PWWP2A: variants seen among roughly 807,000 people sequenced by gnomAD.
The protein encoded by PWWP2A is PWWP domain-containing protein 2A.
In PWWP2A, 18 loss-of-function variants were observed where a neutral mutation model predicts 48.5. That is an observed-to-expected ratio of 0.37 (90% confidence interval 0.26 to 0.55). PWWP2A has a LOEUF of 0.55. PWWP2A is among the 20% of genes least tolerant of loss of function. The pLI, the probability that PWWP2A is intolerant of heterozygous loss-of-function variation, is 0.81. For missense variants in PWWP2A, 867 were observed against 976.4 expected (o/e 0.89, Z 1.49); for synonymous variants, 396 against 387.7 (o/e 1.02, Z -0.25).
At chr5:160,063,275 G>C (rs1275608870) in intron 5 of PWWP2A, among the ~76,000 whole-genome samples, 1 of 152,118 alleles carries the variant, frequency 6.6e-6, no homozygotes, top group Middle Eastern at 3.2e-3. Context: ...GAGTGCAATG[G>C]TATGATCATG....
At chr5:160,059,197 T>C (rs1172030480), downstream of PWWP2A, among the ~76,000 whole-genome samples, 1 of 149,956 alleles carries the variant, frequency 6.7e-6, no homozygotes, top group East Asian at 2.0e-4. Context: ...AGTGCTGTTT[T>C]CATCTACACT....
chr5:160,097,294 G>A (rs574007752), intron 1 of PWWP2A, among the ~76,000 whole-genome samples: 39 of 137,956 alleles, frequency 2.8e-4, no homozygotes, highest in African/African-American at 1.0e-3. Flanking sequence ...CCATGTTCGC[G>A]CTATCGCACT....
At chr5:160,087,462 T>G (rs1038356512), downstream of PWWP2A, among the ~76,000 whole-genome samples, 3 of 151,726 alleles carry the variant, frequency 2.0e-5, no homozygotes, top group African/African-American at 7.3e-5. Flanking sequence ...GACTACAGGT[T>G]GATCAGGAAG....
At chr5:160,065,070 G>A in intron 4 of PWWP2A, 1 of 1,608,136 alleles carries the variant, frequency 6.2e-7, no homozygotes, top group Non-Finnish European at 8.5e-7. Flanking sequence ...AGATAACAAA[G>A]ATAACAAAAG....
chr5:160,110,018 C>G (rs1757394017), intron 1 of PWWP2A, among the ~76,000 whole-genome samples: 1 of 150,262 alleles, frequency 6.7e-6, no homozygotes, highest in East Asian at 2.0e-4. Flanking sequence ...TTTTGACAGT[C>G]CTTTTTTTTT....
chr5:160,060,876 C>G (rs1267662701), downstream of PWWP2A, among the ~76,000 whole-genome samples: 1 of 152,226 alleles, frequency 6.6e-6, no homozygotes, highest in East Asian at 1.9e-4. Flanking sequence ...GGCTTCAGAG[C>G]CCATCTACCC....
chr5:160,116,004 T>G (rs1758098044), intron 1 of PWWP2A, among the ~76,000 whole-genome samples: 1 of 152,060 alleles, frequency 6.6e-6, no homozygotes, highest in African/African-American at 2.4e-5. Context: ...AACTAGTCAA[T>G]CATTAGTCCA....
chr5:160,104,346 G>T (rs181675374), intron 1 of PWWP2A, among the ~76,000 whole-genome samples: 2 of 151,260 alleles, frequency 1.3e-5, no homozygotes, highest in Non-Finnish European at 2.9e-5. Context: ...TGAAAGGATC[G>T]CTTGAGCCCA....
chr5:160,090,165 A>G (rs183965361), downstream of PWWP2A: 9 of 985,146 alleles, frequency 9.1e-6, no homozygotes, highest in Admixed American at 1.8e-4. Flanking sequence ...ATATTCAACA[A>G]TCATGTTTTT....
In PWWP2A at chr5:160,119,450, T is replaced by G. The variant is rs553405390; in HGVS notation, c.-62A>C. ...CAGCGGCGGCGGCGACAGCGCTGCT[T>G]GGTTCCCTGGGCCTTCCCCTCCCTC... On this transcript the variant is annotated 5_prime_UTR_variant, in exon 1 of 2. Coordinates refer to ENST00000307063, the MANE Select transcript of PWWP2A (RefSeq NM_001130864.2). 21 of 1,350,192 alleles carry G rather than the reference T, an allele frequency of 1.6e-5. No individual in the cohort carries two copies. The highest frequency in any genetic ancestry group is 4.6e-5 in the African/African-American group (3 of 64,976). 83.6% of individuals were successfully genotyped at this position (1,350,192 alleles called of 1,614,324 possible).
intron 1 of PWWP2A, among the ~76,000 whole-genome samples, chr5:160,109,795 AT>A (rs1439338079): frequency 3.3e-4 from 43 of 129,354 alleles, no homozygotes; most frequent in African/African-American, 1.1e-3. Context: ...ATATATATAT[AT>A]ATATATATAT....
intron 1 of PWWP2A, among the ~76,000 whole-genome samples, chr5:160,095,047 CAAAAAAAAAAAAAAAAA>C (rs70987998): frequency 9.7e-5 from 3 of 30,882 alleles, no homozygotes; most frequent in East Asian, 1.1e-3. Flanking sequence ...GACTCTGTCT[CAAAAAAAAAAAAAAAAA>C]AAAAAAAAAA....
chr5:160,103,908 G>A (rs1756568386), intron 1 of PWWP2A, among the ~76,000 whole-genome samples: 1 of 151,708 alleles, frequency 6.6e-6, no homozygotes, highest in Non-Finnish European at 1.5e-5. Context: ...GATCACTTGA[G>A]ACCAGGAGTT....
At chr5:160,089,904 T>C, downstream of PWWP2A, 1 of 985,268 alleles carries the variant, frequency 1.0e-6, no homozygotes, top group Non-Finnish European at 1.2e-6. Context: ...TCTATCTCCA[T>C]CTGCAGTAGA....
chr5:160,051,192 A>G, the PWWP2A span: 2 of 1,607,414 alleles, frequency 1.2e-6, no homozygotes, highest in Non-Finnish European at 1.7e-6. Flanking sequence ...AGGTAAGCTT[A>G]CTTCTTACTT....
intron 5 of PWWP2A, among the ~76,000 whole-genome samples, chr5:160,062,807 G>GT (rs3832347): frequency 4.6e-4 from 69 of 149,946 alleles, no homozygotes; most frequent in Middle Eastern, 3.4e-3. Flanking sequence ...GCTTTTGATG[G>GT]TTTTTTTTTT....
intron 1 of PWWP2A, chr5:160,105,564 A>AC (rs1478700880): frequency 2.3e-6 from 1 of 436,204 alleles, no homozygotes; most frequent in African/African-American, 2.2e-5. Flanking sequence ...AAAAAAAAAA[A>AC]AAAGAACAAA....
chr5:160,082,202 T>G (rs1056095632), intron 2 of PWWP2A, among the ~76,000 whole-genome samples: 12 of 152,126 alleles, frequency 7.9e-5, no homozygotes, highest in African/African-American at 2.7e-4. Context: ...CCCAGCACTT[T>G]GGGAGGCCGA....
chr5:160,049,339 A>G, the PWWP2A span, among the ~76,000 whole-genome samples: 1 of 152,148 alleles, frequency 6.6e-6, no homozygotes, highest in Non-Finnish European at 1.5e-5. Flanking sequence ...CACAAAGCCT[A>G]CAATCTTTAC....
Sources: allele counts gnomAD v4.1 joint callset (sites outside exome capture counted in the v4.1 genomes callset), GRCh38; gene constraint gnomAD v4.1.1; transcripts MANE v1.5; gene names NCBI Gene and HGNC (gene_info 2026-07-23, HGNC 2026-07-21).